The following PPP2R2C variants were observed in gnomAD, a reference collection of about 807,000 sequenced individuals.
The protein encoded by PPP2R2C is protein phosphatase 2 regulatory subunit Bgamma, also known as protein phosphatase 2, regulatory subunit B, gamma.
PPP2R2C carries 10 observed loss-of-function variants against 45.3 expected under a neutral mutation model. The observed-to-expected ratio is 0.22, with a 90% confidence interval of 0.14 to 0.37. The LOEUF is 0.37. PPP2R2C is among the 10% of genes least tolerant of loss of function. The pLI is 1.00. For missense variants in PPP2R2C, 308 were observed against 619.7 expected, an observed-to-expected ratio of 0.50 and a Z score of 5.34; for synonymous variants, 257 against 245.4, an observed-to-expected ratio of 1.05 and a Z score of -0.44.
Position 6,428,330 on chromosome 4 carries a change from T to C in PPP2R2C, c.70+43830A>G, listed in dbSNP as rs13113366. Among the ~76,000 whole-genome samples the C allele has an allele frequency of 3.1e-3, 468 of 152,316 alleles. 1 individual carries two copies. Among genetic ancestry groups the C allele is most frequent in the Middle Eastern group, 6.8e-3 (2 of 294 alleles). The stretch of plus-strand genomic sequence containing the variant: ...ATGGACAGTGGTTAGAGCAACTCCA[T>C]AAGACCTGCTCACCGCAAGAAGCCA... On this transcript the variant is annotated intron_variant, in intron 1 of 8. Coordinates refer to ENST00000382599, the MANE Select transcript of PPP2R2C (RefSeq NM_020416.4).
intron 2 of PPP2R2C, among the ~76,000 whole-genome samples, chr4:6,510,982 AAAAAAAACAAACAAAC>A (rs1411605216): frequency 8.9e-5 from 7 of 79,092 alleles, no homozygotes; most frequent in Admixed American, 1.1e-4. Flanking sequence ...GTCTCAAACA[AAAAAAAACAAACAAAC>A]AAAAAAAAAA....
chr4:6,382,444 A>G, intron 1 of PPP2R2C: 1 of 1,352,024 alleles, frequency 7.4e-7, no homozygotes, highest in South Asian at 1.1e-5. Flanking sequence ...CTGGCGGCCA[A>G]CGTGATGACC....
intron 4 of PPP2R2C, among the ~76,000 whole-genome samples, chr4:6,374,702 T>A (rs181748700): frequency 3.9e-5 from 6 of 152,198 alleles, no homozygotes; most frequent in Admixed American, 6.5e-5. Context: ...GGCGATTCCA[T>A]GTCTGTTTCC....
upstream of PPP2R2C, among the ~76,000 whole-genome samples, chr4:6,473,103 C>T (rs1486636222): frequency 2.0e-5 from 3 of 152,060 alleles, no homozygotes; most frequent in Non-Finnish European, 4.4e-5. Context: ...TGTGAAGAAG[C>T]TGGTGGAGGG....
intron 1 of PPP2R2C, among the ~76,000 whole-genome samples, chr4:6,458,829 T>C (rs1248400334): frequency 6.6e-6 from 1 of 152,182 alleles, no homozygotes; most frequent in Non-Finnish European, 1.5e-5. Context: ...TCCTGTCTCA[T>C]GATCTGAGCT....
At position 6,368,126 on chromosome 4, in the gene PPP2R2C, C is replaced by G. The variant is rs759702321; in HGVS notation, c.625+4397G>C. ...GGCCCCCGATCTGCTGACACTCCTC[C>G]CTTGTCACTGTCCCTCACCTGGCTC... On this transcript the variant is annotated intron_variant, in intron 5 of 8. Coordinates refer to ENST00000382599, the MANE Select transcript of PPP2R2C (RefSeq NM_020416.4). This position sits in a 1 kb window ranked among gnomAD's most constrained non-coding sequence, Gnocchi z 4.2. Among the ~76,000 whole-genome samples the G allele has an allele frequency of 4.6e-5, 7 of 152,192 alleles. No homozygotes were observed. Among genetic ancestry groups the G allele is most frequent in the Non-Finnish European group, 1.0e-4 (7 of 68,038 alleles).
chr4:6,359,193 T>C (rs1713506474), intron 5 of PPP2R2C, among the ~76,000 whole-genome samples: 1 of 152,202 alleles, frequency 6.6e-6, no homozygotes, highest in Admixed American at 6.5e-5. Context: ...ATGTCCTTTG[T>C]AGGGACATGG....
intron 2 of PPP2R2C, among the ~76,000 whole-genome samples, chr4:6,531,246 T>G: frequency 6.6e-6 from 1 of 152,130 alleles, no homozygotes; most frequent in East Asian, 1.9e-4. Context: ...CCAAGTCTCA[T>G]GTTCTGAGGG....
At chr4:6,383,075 T>A (rs1006189481) in intron 1 of PPP2R2C, 85 of 1,096,312 alleles carry the variant, frequency 7.8e-5, no homozygotes, top group Non-Finnish European at 9.0e-5. Flanking sequence ...GTGTTTTGCT[T>A]TGGCCTGCAG....
intron 1 of PPP2R2C, among the ~76,000 whole-genome samples, chr4:6,539,063 G>GGGTAGT (rs1346941531): frequency 6.6e-6 from 1 of 152,146 alleles, no homozygotes; most frequent in Non-Finnish European, 1.5e-5. Flanking sequence ...TTTGGAAATA[G>GGGTAGT]GGTAGTTGCA....
At chr4:6,526,546 A>G (rs897829366) in intron 2 of PPP2R2C, among the ~76,000 whole-genome samples, 1 of 152,236 alleles carries the variant, frequency 6.6e-6, no homozygotes, top group African/African-American at 2.4e-5. Flanking sequence ...AATTGGTGAA[A>G]AGAAAAGAAG....
chr4:6,344,108 C>G (rs73076912), intron 6 of PPP2R2C, among the ~76,000 whole-genome samples: 1 of 152,158 alleles, frequency 6.6e-6, no homozygotes, highest in Admixed American at 6.5e-5. Context: ...GCCCCAAGGT[C>G]GCCCAGGCAC....
intron 1 of PPP2R2C, among the ~76,000 whole-genome samples, chr4:6,451,515 C>T (rs867059898): frequency 1.2e-4 from 19 of 152,060 alleles, no homozygotes; most frequent in African/African-American, 4.1e-4. Flanking sequence ...GCAGCCAGCG[C>T]GGGCTGGGGT....
In PPP2R2C at chr4:6,321,363, A is replaced by C. The variant is rs1577060985; in HGVS notation, c.*1939T>G. 6.6e-6 allele frequency: 1 copy of C among 152,530 alleles called. No homozygotes were observed. Among genetic ancestry groups the C allele is most frequent in the Non-Finnish European group, 1.5e-5 (1 of 68,020 alleles). 9.4% of individuals were successfully genotyped at this position (152,530 alleles called of 1,614,324 possible). A position where few individuals can be genotyped will look rare whatever the true frequency, so the allele number is the denominator to read the frequency against. On this transcript the variant is annotated 3_prime_UTR_variant, in exon 9 of 9. Coordinates refer to ENST00000382599, the MANE Select transcript of PPP2R2C (RefSeq NM_020416.4). ...GACCACATTCTCGAACCTCTTTACAAGGGGGAAAAAAGTAATCCAATCCTT... is the reference window on the plus strand; with the variant it reads ...GACCACATTCTCGAACCTCTTTACACGGGGGAAAAAAGTAATCCAATCCTT...
At chr4:6,383,411 C>T in intron 1 of PPP2R2C, 1 of 1,289,848 alleles carries the variant, frequency 7.8e-7, no homozygotes, top group Non-Finnish European at 1.0e-6. Flanking sequence ...TCCTCCCCTT[C>T]CCCAGCCTCA....
At chr4:6,370,159 A>T (rs1412017300) in intron 5 of PPP2R2C, among the ~76,000 whole-genome samples, 1 of 152,230 alleles carries the variant, frequency 6.6e-6, no homozygotes, top group Admixed American at 6.5e-5. Context: ...GGCCGAGGCC[A>T]GGGCAAAAGC....
At chr4:6,352,353 G>C (rs1041079161) in intron 5 of PPP2R2C, among the ~76,000 whole-genome samples, 1 of 152,026 alleles carries the variant, frequency 6.6e-6, no homozygotes, top group South Asian at 2.1e-4. Context: ...AGGACTAACC[G>C]CAGGTGGCCC....
At chr4:6,382,167 T>C in intron 1 of PPP2R2C, 1 of 1,193,010 alleles carries the variant, frequency 8.4e-7, no homozygotes, top group Non-Finnish European at 1.1e-6. Flanking sequence ...ATTTCCAGTA[T>C]GTCTTGGAAG....
chr4:6,511,639 TTGA>T (rs1447231778), intron 2 of PPP2R2C, among the ~76,000 whole-genome samples: 10 of 1,880 alleles, frequency 5.3e-3, no homozygotes, highest in African/African-American at 0.011. Flanking sequence ...GGTGGTGGTG[TTGA>T]TGGTGGTGGT....
Sources: allele counts gnomAD v4.1 joint callset (sites outside exome capture counted in the v4.1 genomes callset), GRCh38; gene constraint gnomAD v4.1.1; non-coding constraint Gnocchi (gnomAD v3.1); transcripts MANE v1.5; gene names NCBI Gene and HGNC (gene_info 2026-07-23, HGNC 2026-07-21).